Variants in MYO1E observed in about 807,000 individuals in gnomAD.
MYO1E encodes the protein unconventional myosin-Ie.
In MYO1E, 68 loss-of-function variants were observed where a neutral mutation model predicts 151.1. The observed-to-expected ratio is 0.45, with a 90% CI of 0.37 to 0.55. The LOEUF (loss-of-function observed/expected upper bound fraction) is 0.55. Among genes scored for constraint, MYO1E ranks in the 20% least tolerant of loss-of-function variants. The pLI, the probability that MYO1E is intolerant of heterozygous loss-of-function variation, is 0.00. For synonymous variants in MYO1E, 601 were observed against 501.7 expected (o/e 1.20, Z -2.64); for missense variants, 1,363 against 1,389.3 (o/e 0.98, Z 0.30).
intron 16 of MYO1E, among the ~76,000 whole-genome samples, chr15:59,198,733 C>T (rs997995470): frequency 6.6e-6 from 1 of 151,774 alleles, no homozygotes; most frequent in Non-Finnish European, 1.5e-5. Context: ...GCAGGAGGAT[C>T]GCTTGAATCT....
rs1035933803 is a variant in MYO1E, at chr15:59,180,784, C to T, written c.1905-2247G>A. Among the ~76,000 whole-genome samples the T allele has an allele frequency of 3.9e-5, 6 of 152,330 alleles. No individual in the cohort carries two copies. The East Asian group carries it at 1.2e-3, about 29-fold the overall frequency. On this transcript the variant is annotated intron_variant, in intron 18 of 27. Coordinates refer to ENST00000288235, the MANE Select transcript of MYO1E (RefSeq NM_004998.4). ...GGCCACTCTCTTTCTCTAGGATATA[C>T]TCATGGGAACAGGTTGCACAGGGCA...
At chr15:59,371,799 G>C (rs1175996635) in intron 1 of MYO1E, among the ~76,000 whole-genome samples, 1 of 151,864 alleles carries the variant, frequency 6.6e-6, no homozygotes, top group African/African-American at 2.4e-5. Context: ...GGAGACCCTC[G>C]GGGCCGGCGC....
chr15:59,218,027 G>A lies in MYO1E; in HGVS notation c.971C>T (p.Thr324Ile). Residue 324 changes from threonine (T) to isoleucine (I), a missense_variant, in exon 10 of 28, where the codon ACA becomes ATA. By Grantham distance (89) the Thr-to-Ile change is moderately conservative. Transcript: ENST00000288235. ...INQDRLKEKL[T>I]SRQMDSKWGG... ...CCACTTGCTATCCATCTGCCGGCTT[G>A]TTAGCTTTTCTTTCAACCGGTCCTG... 2 of 1,614,196 alleles carry A rather than the reference G, an allele frequency of 1.2e-6. No individual in the cohort carries two copies. The highest frequency in any genetic ancestry group is 4.5e-5 in the East Asian group (2 of 44,890).
At position 59,135,465 on chromosome 15, in the gene MYO1E, C is replaced by T. The variant is rs1459254516; in HGVS notation, c.*1915G>A. On this transcript the variant is annotated 3_prime_UTR_variant, in exon 28 of 28. Transcript: ENST00000288235. ...GTCCCAGTTCTGGTGGTATCTTCCT[C>T]CCACTGCGGGGAGTCCATGAATGTG... is the stretch of plus-strand genomic sequence containing the variant. 1 of 152,166 alleles carries T rather than the reference C, an allele frequency of 6.6e-6. No individual in the cohort carries two copies. Among genetic ancestry groups the T allele is most frequent in the African/African-American group, 2.4e-5 (1 of 41,422 alleles). The allele number at this position is 152,166 out of a possible 1,614,324, so 9.4% of individuals were successfully genotyped here.
chr15:59,331,172 G>C (rs2080695923), intron 1 of MYO1E, among the ~76,000 whole-genome samples: 1 of 152,170 alleles, frequency 6.6e-6, no homozygotes, highest in African/African-American at 2.4e-5. Flanking sequence ...GGTCCACAAA[G>C]CCTAAAATAT....
At chr15:59,259,984 T>C (rs1225291672) in intron 3 of MYO1E, among the ~76,000 whole-genome samples, 2 of 152,264 alleles carry the variant, frequency 1.3e-5, no homozygotes, top group East Asian at 1.9e-4. Flanking sequence ...AGGGCTGTTT[T>C]ATTATTGCTG....
At chr15:59,366,995 CGCAAAA>C (rs758051863) in intron 1 of MYO1E, among the ~76,000 whole-genome samples, 5,701 of 107,332 alleles carry the variant, frequency 0.053, 223 homozygotes, top group East Asian at 0.2. Flanking sequence ...GCTGCATTTT[CGCAAAA>C]AAAAAAAAAA....
intron 1 of MYO1E, among the ~76,000 whole-genome samples, chr15:59,322,309 T>A (rs2080631750): frequency 6.6e-6 from 1 of 152,176 alleles, no homozygotes; most frequent in Admixed American, 6.5e-5. Context: ...CATGTACCCC[T>A]TGAATCTAAA....
chr15:59,343,569 T>C (rs1286739446), intron 1 of MYO1E, among the ~76,000 whole-genome samples: 1 of 152,194 alleles, frequency 6.6e-6, no homozygotes, highest in East Asian at 1.9e-4. Context: ...GAAGTTATCT[T>C]ATTATCCCTT....
intron 13 of MYO1E, 27 bp downstream of exon 13, chr15:59,210,487 G>GA (rs763611257): frequency 1.7e-5 from 25 of 1,445,064 alleles, no homozygotes; most frequent in Non-Finnish European, 2.4e-5. Context: ...TGTGAGCAGT[G>GA]AAAAGACATA....
chr15:59,142,884 T>C (rs2079418862), intron 26 of MYO1E, among the ~76,000 whole-genome samples: 1 of 127,272 alleles, frequency 7.9e-6, no homozygotes, highest in Admixed American at 9.8e-5. Context: ...TTCTGTCCAA[T>C]ATTATCCTGG....
intron 14 of MYO1E, chr15:59,207,852 T>A: frequency 6.2e-7 from 1 of 1,614,220 alleles, no homozygotes; most frequent in Non-Finnish European, 8.5e-7. Context: ...TTGGCCTATC[T>A]GTGGCCGATT....
At chr15:59,308,837 T>G (rs1352791032) in intron 1 of MYO1E, among the ~76,000 whole-genome samples, 1 of 68,164 alleles carries the variant, frequency 1.5e-5, no homozygotes, top group Non-Finnish European at 3.2e-5. Flanking sequence ...AAACTCCATC[T>G]CAAAAAAAAA....
chr15:59,269,463 T>G (rs1362437428), intron 2 of MYO1E, among the ~76,000 whole-genome samples: 1 of 152,218 alleles, frequency 6.6e-6, no homozygotes, highest in African/African-American at 2.4e-5. Context: ...TGATTAACAT[T>G]TTTTGACGGT....
chr15:59,272,915 G>T (rs189581563), intron 1 of MYO1E, among the ~76,000 whole-genome samples: 5 of 152,270 alleles, frequency 3.3e-5, no homozygotes, highest in Admixed American at 3.3e-4. Flanking sequence ...CAAACTACAT[G>T]ACAGAATCCA....
intron 1 of MYO1E, among the ~76,000 whole-genome samples, chr15:59,295,288 GA>G: frequency 6.6e-6 from 1 of 152,194 alleles, no homozygotes; most frequent in Middle Eastern, 3.4e-3. Context: ...GAAACAAGGA[GA>G]GTAAAGGCAT....
intron 1 of MYO1E, among the ~76,000 whole-genome samples, chr15:59,332,264 C>G: frequency 6.6e-6 from 1 of 152,186 alleles, no homozygotes; most frequent in Non-Finnish European, 1.5e-5. Flanking sequence ...TTCTAACTGC[C>G]GCTACTTCTT....
At chr15:59,174,359 C>G in intron 19 of MYO1E, 119 bp from the exon 20 acceptor site, 1 of 758,158 alleles carries the variant, frequency 1.3e-6, no homozygotes. Flanking sequence ...GAAGCAGCTT[C>G]TCTGATTCAT....
At chr15:59,270,652 T>G (rs1207664868) in intron 2 of MYO1E, among the ~76,000 whole-genome samples, 1 of 152,072 alleles carries the variant, frequency 6.6e-6, no homozygotes, top group Non-Finnish European at 1.5e-5. Flanking sequence ...CACTTTTTTT[T>G]TTTGGAGACA....
Sources: gnomAD v4.1 joint callset for allele counts (sites outside exome capture counted in the v4.1 genomes callset) on GRCh38, gnomAD v4.1.1 for gene constraint, MANE v1.5 for transcripts, NCBI Gene and HGNC (gene_info 2026-07-23, HGNC 2026-07-21) for gene names.